MALRD1: variants seen among roughly 807,000 people sequenced by gnomAD.
MALRD1 encodes MAM and LDL receptor class A domain containing 1, also known as MAM and LDL-receptor class A domain-containing protein 1.
In MALRD1, 247 loss-of-function variants were observed where a neutral mutation model predicts 242.1. The ratio of observed to expected loss-of-function variants is 1.02; its 90% CI spans 0.92 to 1.13. The LOEUF is 1.13. Among genes scored for constraint, MALRD1 ranks in the 50% most tolerant of loss-of-function variants. MALRD1 has a pLI of 0.00. For synonymous variants in MALRD1, 995 were observed against 866.6 expected (o/e 1.15, Z -2.60); for missense variants, 2,989 against 2,533.1 (o/e 1.18, Z -3.86).
At position 19,516,604 on chromosome 10, in the gene MALRD1, C is replaced by G. The variant is rs1487168993; in HGVS notation, c.5321-14590C>G. On this transcript the variant is annotated intron_variant, in intron 31 of 39. Coordinates refer to ENST00000454679, the MANE Select transcript of MALRD1 (RefSeq NM_001142308.3). The stretch of plus-strand genomic sequence containing the variant: ...AAGATTTTTTCATTTGTTCAATTTT[C>G]AAATATCTTCTCCTCCTCCTGCTCC... Among the ~76,000 whole-genome samples the G allele has an allele frequency of 2.6e-5, 4 of 151,860 alleles. 1 individual carries two copies. In the South Asian group the frequency reaches 6.2e-4, roughly 24 times the overall value.
chr10:19,195,781 G>T (rs1836211063), intron 14 of MALRD1, among the ~76,000 whole-genome samples: 1 of 151,870 alleles, frequency 6.6e-6, no homozygotes, highest in African/African-American at 2.4e-5. Flanking sequence ...CAAAAACCCA[G>T]TGACACCTGT....
intron 36 of MALRD1, among the ~76,000 whole-genome samples, chr10:19,684,170 C>G (rs1304279323): frequency 6.6e-6 from 1 of 152,114 alleles, no homozygotes; most frequent in African/African-American, 2.4e-5. Context: ...ACCGTATGGT[C>G]AACAGAGCCA....
At chr10:19,489,818 G>A (rs1837403283) in intron 29 of MALRD1, among the ~76,000 whole-genome samples, 2 of 152,110 alleles carry the variant, frequency 1.3e-5, no homozygotes, top group Non-Finnish European at 2.9e-5. Flanking sequence ...TAGTAGAATT[G>A]TTTCCTAAAG....
Position 19,407,879 on chromosome 10 carries a change from T to C in MALRD1, c.4845+18270T>C, listed in dbSNP as rs144931306. On this transcript the variant is annotated intron_variant, in intron 28 of 39. Coordinates refer to ENST00000454679, the MANE Select transcript of MALRD1 (RefSeq NM_001142308.3). Reference sequence around the variant, plus strand: ...TTTAGAAGAAATGCTTATCTGTGTGTCCAAGAGGTATAAGCAAAAATGTTC... The same window carrying C: ...TTTAGAAGAAATGCTTATCTGTGTGCCCAAGAGGTATAAGCAAAAATGTTC... 6.6e-3 allele frequency among the ~76,000 whole-genome samples: 1,001 copies of C among 152,298 alleles called. 3 individuals carry two copies. Among genetic ancestry groups the C allele is most frequent in the Non-Finnish European group, 0.01 (705 of 68,014 alleles).
chr10:19,445,288 A>G (rs182502145), intron 28 of MALRD1, among the ~76,000 whole-genome samples: 98 of 152,242 alleles, frequency 6.4e-4, no homozygotes, highest in Middle Eastern at 6.8e-3. Context: ...GTTGTTACCA[A>G]TCGTCTGAAG....
At chr10:19,713,124 T>C (rs781594395) in intron 38 of MALRD1, among the ~76,000 whole-genome samples, 2 of 152,150 alleles carry the variant, frequency 1.3e-5, no homozygotes, top group Non-Finnish European at 2.9e-5. Context: ...TTCTACCTTC[T>C]TCCTTCTTTC....
intron 26 of MALRD1, among the ~76,000 whole-genome samples, chr10:19,382,194 A>G (rs1462109407): frequency 6.6e-6 from 1 of 152,174 alleles, no homozygotes; most frequent in Non-Finnish European, 1.5e-5. Flanking sequence ...CCAAAACTCT[A>G]GATCATCCTC....
At position 19,652,519 on chromosome 10, in the gene MALRD1, A is replaced by C. The variant is rs144912928; in HGVS notation, c.6137+36596A>C. On this transcript the variant is annotated intron_variant, in intron 36 of 39. Transcript: ENST00000454679. The stretch of plus-strand genomic sequence containing the variant: ...TTTATCCTTGGAGAAATGGGAAGAG[A>C]TATTCTGGGATTTGAGTTTTATGAA... 1.4e-4 allele frequency among the ~76,000 whole-genome samples: 21 copies of C among 152,210 alleles called. No individual in the cohort carries two copies. The East Asian group carries it at 3.3e-3, about 24-fold the overall frequency.
intron 31 of MALRD1, among the ~76,000 whole-genome samples, chr10:19,527,840 G>A (rs933605858): frequency 8.5e-5 from 13 of 152,150 alleles, no homozygotes; most frequent in Admixed American, 8.5e-4. Context: ...AAGTTGGTCT[G>A]ATAAAGTGCA....
chr10:19,659,950 A>G (rs144822316), intron 36 of MALRD1, among the ~76,000 whole-genome samples: 87 of 152,266 alleles, frequency 5.7e-4, no homozygotes, highest in South Asian at 1.2e-3. Context: ...AGCCTGAGCT[A>G]TTAGGAGAAT....
intron 29 of MALRD1, among the ~76,000 whole-genome samples, chr10:19,462,389 C>A (rs1835991830): frequency 6.6e-6 from 1 of 152,230 alleles, no homozygotes; most frequent in African/African-American, 2.4e-5. Flanking sequence ...ATCTGCTTCT[C>A]ATAGAAACTG....
chr10:19,626,169 C>T (rs1157555585), intron 36 of MALRD1, among the ~76,000 whole-genome samples: 1 of 151,852 alleles, frequency 6.6e-6, no homozygotes, highest in Non-Finnish European at 1.5e-5. Flanking sequence ...CAAGAATAGG[C>T]ATAAAAGTTG....
rs893426958 is a variant in MALRD1, at chr10:19,387,910, G to GT, written c.4687+145dup. The GT allele has an allele frequency of 1.2e-4, 133 of 1,127,298 alleles. No individual in the cohort carries two copies. The Middle Eastern group carries it at 1.7e-3, about 15-fold the overall frequency. The allele number at this position is 1,127,298 out of a possible 1,614,324, so 69.8% of individuals were successfully genotyped here. On this transcript the variant is annotated intron_variant, in intron 27 of 39. Transcript: ENST00000454679. ...CAAGGCGATCAAACATTTAGTGAGT[G>GT]TTTTTTTTCTTAGGGCTGCTGTAAG...
chr10:19,370,281 A>C (rs1320277421), intron 26 of MALRD1, among the ~76,000 whole-genome samples: 3 of 152,112 alleles, frequency 2.0e-5, no homozygotes, highest in Non-Finnish European at 4.4e-5. Flanking sequence ...TGGGATATTG[A>C]TTATCATATT....
At chr10:19,262,085 T>A (rs1839776091) in intron 19 of MALRD1, among the ~76,000 whole-genome samples, 2 of 152,192 alleles carry the variant, frequency 1.3e-5, no homozygotes, top group Non-Finnish European at 2.9e-5. Flanking sequence ...TTCCAAGTCG[T>A]CTCTCTCATA....
At chr10:19,503,507 C>G (rs1306307055) in intron 31 of MALRD1, among the ~76,000 whole-genome samples, 1 of 152,134 alleles carries the variant, frequency 6.6e-6, no homozygotes, top group East Asian at 1.9e-4. Flanking sequence ...AGTCGACTCT[C>G]TGGTCTACAC....
chr10:19,358,323 G>A (rs1018339030), intron 26 of MALRD1, among the ~76,000 whole-genome samples: 6 of 151,422 alleles, frequency 4.0e-5, no homozygotes, highest in East Asian at 1.9e-4. Flanking sequence ...TTTAAAAAAC[G>A]TATGTAAAAC....
intron 17 of MALRD1, among the ~76,000 whole-genome samples, chr10:19,207,569 C>T (rs1429366358): frequency 6.6e-6 from 1 of 152,104 alleles, no homozygotes; most frequent in Non-Finnish European, 1.5e-5. Flanking sequence ...GGCAGGATCT[C>T]TGCTCACTGC....
intron 36 of MALRD1, among the ~76,000 whole-genome samples, chr10:19,663,522 C>G (rs892524853): frequency 6.6e-6 from 1 of 152,056 alleles, no homozygotes; most frequent in African/African-American, 2.4e-5. Context: ...GTAATGGCTT[C>G]TTTTCCTTTG....
Sources: gnomAD v4.1 joint callset for allele counts (sites outside exome capture counted in the v4.1 genomes callset) on GRCh38, gnomAD v4.1.1 for gene constraint, MANE v1.5 for transcripts, NCBI Gene and HGNC (gene_info 2026-07-23, HGNC 2026-07-21) for gene names.